Variants in IGSF3 observed in about 807,000 individuals in gnomAD.
IGSF3 encodes the protein immunoglobulin superfamily member 3.
In IGSF3, 23 loss-of-function variants were observed where a neutral mutation model predicts 114.4. The ratio of observed to expected loss-of-function variants is 0.20; its 90% CI spans 0.14 to 0.28. IGSF3 has a LOEUF of 0.28. IGSF3 is among the 10% of genes least tolerant of loss of function. IGSF3 has a pLI of 1.00. For missense variants in IGSF3, 1,172 were observed against 1,591.5 expected (o/e 0.74, Z 4.48); for synonymous variants, 571 against 645.2 (o/e 0.88, Z 1.74).
In IGSF3 at chr1:116,579,250, C is replaced by T; in HGVS notation, c.3334+142G>A. The T allele has an allele frequency of 9.0e-7, 1 of 1,105,026 alleles. No individual in the cohort carries two copies. The highest frequency in any genetic ancestry group is 1.7e-5 in the South Asian group (1 of 57,668). The allele number at this position is 1,105,026 out of a possible 1,614,324, so 68.5% of individuals were successfully genotyped here. ...AATTATATGAACTAATATGTCCAAT[C>T]CCACCATATCTCAAATCCTACTAAT... On this transcript the variant is annotated intron_variant, in intron 10 of 10. Transcript: ENST00000369486. This position sits in a 1 kb window ranked among gnomAD's most constrained non-coding sequence, Gnocchi z 6.4.
rs1225975857 is a variant in IGSF3, at chr1:116,628,606, A to C, written c.44-12149T>G. On this transcript the variant is annotated intron_variant, in intron 2 of 10. Coordinates refer to ENST00000369486, the MANE Select transcript of IGSF3 (RefSeq NM_001007237.3). This position sits in a 1 kb window ranked among gnomAD's most constrained non-coding sequence, Gnocchi z 4.2. Reference sequence around the variant, plus strand: ...GTGTGGGTGGCAGGCACCCTGAAATATGTCTAGCATACTCATAAAGCATGA... The same window carrying C: ...GTGTGGGTGGCAGGCACCCTGAAATCTGTCTAGCATACTCATAAAGCATGA... Among the ~76,000 whole-genome samples, 1 of 152,140 alleles carries C rather than the reference A, an allele frequency of 6.6e-6. No homozygotes were observed. The highest frequency in any genetic ancestry group is 2.4e-5 in the African/African-American group (1 of 41,412).
rs1017996438 is a variant in IGSF3, at chr1:116,584,906, C to T, written c.2587G>A (p.Glu863Lys). The part of the protein sequence containing the change: ...EWFVWKPNHP[E>K]RETVARLSRD... The stretch of plus-strand genomic sequence containing the variant: ...CTCAAGCGGGCCACAGTCTCCCGCT[C>T]AGGGTGGTTGGGCTTCCATACAAAC... Residue 863 changes from glutamate (E) to lysine (K), a missense_variant, in exon 9 of 11, where the codon GAG becomes AAG. This residue lies in a region of IGSF3 where 423 missense variants were observed against 509.8 expected (regional missense o/e 0.83). Transcript: ENST00000369486. The surrounding 1 kb of genome is among the most constrained non-coding windows in gnomAD (Gnocchi z 5.8). The T allele has an allele frequency of 1.9e-6, 3 of 1,614,152 alleles. No individual in the cohort carries two copies. Among genetic ancestry groups the T allele is most frequent in the Non-Finnish European group, 2.5e-6 (3 of 1,179,992 alleles).
At chr1:116,604,961 T>C (rs900301195) in intron 5 of IGSF3, among the ~76,000 whole-genome samples, 3 of 152,214 alleles carry the variant, frequency 2.0e-5, no homozygotes, top group Non-Finnish European at 4.4e-5. Context: ...ACCTAACACA[T>C]AGTAGGTTTT....
chr1:116,663,732 C>T (rs1360398206), intron 2 of IGSF3, among the ~76,000 whole-genome samples: 1 of 152,098 alleles, frequency 6.6e-6, no homozygotes, highest in Non-Finnish European at 1.5e-5. Flanking sequence ...GAGATGAAAG[C>T]GTCTCCGAGA....
rs573560256 is a variant in IGSF3 at position 116,634,331 on chromosome 1, G to T, written c.44-17874C>A. 2.6e-5 allele frequency among the ~76,000 whole-genome samples: 4 copies of T among 152,294 alleles called. No homozygotes were observed. The South Asian group carries it at 6.2e-4, about 24-fold the overall frequency. ...GAAAAAAGGGTAGGCTCCAGCTAGC[G>T]GAGAGAACAACTAAAAAACAAGAGC... is the stretch of plus-strand genomic sequence containing the variant. On this transcript the variant is annotated intron_variant, in intron 2 of 10. Coordinates refer to ENST00000369486, the MANE Select transcript of IGSF3 (RefSeq NM_001007237.3). The surrounding 1 kb of genome is among the most constrained non-coding windows in gnomAD (Gnocchi z 4.2).
rs1419690495 is a variant in IGSF3, at chr1:116,616,611, A to G, written c.44-154T>C. On this transcript the variant is annotated intron_variant, in intron 2 of 10. Coordinates refer to ENST00000369486, the MANE Select transcript of IGSF3 (RefSeq NM_001007237.3). The surrounding 1 kb of genome is among the most constrained non-coding windows in gnomAD (Gnocchi z 6.6). ...TTCAAAGGCGCTTTGTGATTTATAA[A>G]TATTAATTAAAACACTCTGTGGTAA... 7.9e-5 allele frequency among the ~76,000 whole-genome samples: 12 copies of G among 152,238 alleles called. No homozygotes were observed. Among genetic ancestry groups the G allele is most frequent in the Admixed American group, 7.8e-4 (12 of 15,288 alleles).
rs2101321267 is a variant in IGSF3 at position 116,583,335 on chromosome 1, A to AGG, written c.2848+1308_2848+1309dup. ...AAAGACATGCAGCCATTTCTAGGCA[A>AGG]GGTAAAAAGCAAAAAATATAAATAA... On this transcript the variant is annotated intron_variant, in intron 9 of 10. Coordinates refer to ENST00000369486, the MANE Select transcript of IGSF3 (RefSeq NM_001007237.3). This position sits in a 1 kb window ranked among gnomAD's most constrained non-coding sequence, Gnocchi z 4.5. Among the ~76,000 whole-genome samples, 1 of 152,348 alleles carries AGG rather than the reference A, an allele frequency of 6.6e-6. No individual in the cohort carries two copies. Among genetic ancestry groups the AGG allele is most frequent in the East Asian group, 1.9e-4 (1 of 5,194 alleles).
At chr1:116,581,108 C>T (rs1171904368) in intron 9 of IGSF3, among the ~76,000 whole-genome samples, 2 of 152,136 alleles carry the variant, frequency 1.3e-5, no homozygotes, top group Admixed American at 1.3e-4. Context: ...ACACAGAGAA[C>T]CCAAGGAGAT....
intron 8 of IGSF3, among the ~76,000 whole-genome samples, chr1:116,587,777 A>C (rs12065662): frequency 0.026 from 3,929 of 152,218 alleles, 166 homozygotes; most frequent in African/African-American, 0.09. Context: ...CATTTCAGAC[A>C]ATGAGGGCAG....
intron 2 of IGSF3, among the ~76,000 whole-genome samples, chr1:116,641,261 G>T (rs1216068050): frequency 6.6e-6 from 1 of 152,100 alleles, no homozygotes; most frequent in Non-Finnish European, 1.5e-5. Context: ...ACTTTGGAAG[G>T]CCATGGCAGA....
At position 116,648,426 on chromosome 1, in the gene IGSF3, C is replaced by G. The variant is rs1648493210; in HGVS notation, c.43+17858G>C. 6.6e-6 allele frequency among the ~76,000 whole-genome samples: 1 copy of G among 152,164 alleles called. No homozygotes were observed. Among genetic ancestry groups the G allele is most frequent in the Non-Finnish European group, 1.5e-5 (1 of 68,034 alleles). ...TAAGAGGTGCCTCTCAAATGCCTTT[C>G]CCACGTGTCTAACTCTGCTTTGTTT... On this transcript the variant is annotated intron_variant, in intron 2 of 10. Coordinates refer to ENST00000369486, the MANE Select transcript of IGSF3 (RefSeq NM_001007237.3). This position sits in a 1 kb window ranked among gnomAD's most constrained non-coding sequence, Gnocchi z 4.7.
At chr1:116,620,818 G>A (rs1661392132) in intron 2 of IGSF3, among the ~76,000 whole-genome samples, 1 of 152,178 alleles carries the variant, frequency 6.6e-6, no homozygotes. Context: ...ATAGCTCACT[G>A]CAGCCTTGAC....
intron 2 of IGSF3, among the ~76,000 whole-genome samples, chr1:116,637,629 C>A (rs1398229495): frequency 2.6e-5 from 4 of 152,190 alleles, no homozygotes; most frequent in African/African-American, 9.7e-5. Context: ...ACATGGCAGA[C>A]ACCTGCCAAC....
In IGSF3 at chr1:116,596,611, G is replaced by A. The variant is rs1211759420; in HGVS notation, c.2029+3330C>T. 6.6e-6 allele frequency among the ~76,000 whole-genome samples: 1 copy of A among 152,194 alleles called. No individual in the cohort carries two copies. The highest frequency in any genetic ancestry group is 2.4e-5 in the African/African-American group (1 of 41,440). ...TTGCTAAAGGGGATTAGGAAATCAG[G>A]GGTGGTTAACCAGAGAGAGGAAACA... On this transcript the variant is annotated intron_variant, in intron 7 of 10. Coordinates refer to ENST00000369486, the MANE Select transcript of IGSF3 (RefSeq NM_001007237.3). This position sits in a 1 kb window ranked among gnomAD's most constrained non-coding sequence, Gnocchi z 4.1.
At chr1:116,666,243 A>T in intron 2 of IGSF3, 41 bp downstream of exon 2, 1 of 1,588,104 alleles carries the variant, frequency 6.3e-7, no homozygotes, top group Non-Finnish European at 8.6e-7. Flanking sequence ...AGAGCAGGTT[A>T]AACTTTCACA....
rs1169550051 is a variant in IGSF3 at position 116,596,168 on chromosome 1, CAA to C, written c.2029+3771_2029+3772del. Reference sequence around the variant, plus strand: ...AGGGACGAGTCTGGGGCACAGACCACAAAGAAGCTTGCTGCGATAAATGATAT... The same window carrying C: ...AGGGACGAGTCTGGGGCACAGACCACAGAAGCTTGCTGCGATAAATGATAT... On this transcript the variant is annotated intron_variant, in intron 7 of 10. Coordinates refer to ENST00000369486, the MANE Select transcript of IGSF3 (RefSeq NM_001007237.3). The surrounding 1 kb of genome is among the most constrained non-coding windows in gnomAD (Gnocchi z 4.1). 1.3e-5 allele frequency among the ~76,000 whole-genome samples: 2 copies of C among 152,152 alleles called. No individual in the cohort carries two copies. The highest frequency in any genetic ancestry group is 1.5e-5 in the Non-Finnish European group (1 of 68,030).
chr1:116,663,784 A>T (rs1030045217), intron 2 of IGSF3, among the ~76,000 whole-genome samples: 5 of 152,108 alleles, frequency 3.3e-5, no homozygotes, highest in Non-Finnish European at 7.4e-5. Flanking sequence ...GGGTTTTCTA[A>T]CTAAAATTGC....
In IGSF3 at chr1:116,614,337, C is replaced by A. The variant is rs1182797701; in HGVS notation, c.422-162G>T. 6.6e-6 allele frequency among the ~76,000 whole-genome samples: 1 copy of A among 152,226 alleles called. No homozygotes were observed. The highest frequency in any genetic ancestry group is 2.4e-5 in the African/African-American group (1 of 41,462). On this transcript the variant is annotated intron_variant, in intron 3 of 10. Transcript: ENST00000369486. The surrounding 1 kb of genome is among the most constrained non-coding windows in gnomAD (Gnocchi z 4.5). Reference sequence around the variant, plus strand: ...ACAGACAGCCCCAAATGCACATAAACAGAAAGTTTTCTGTTTGGATTTGGA... The same window carrying A: ...ACAGACAGCCCCAAATGCACATAAAAAGAAAGTTTTCTGTTTGGATTTGGA...
At chr1:116,580,826 A>C (rs1659574266) in intron 9 of IGSF3, among the ~76,000 whole-genome samples, 1 of 152,254 alleles carries the variant, frequency 6.6e-6, no homozygotes. Flanking sequence ...ATGGAGGCCC[A>C]AACAGGAGTG....
Sources: allele counts gnomAD v4.1 joint callset (sites outside exome capture counted in the v4.1 genomes callset), GRCh38; gene constraint gnomAD v4.1.1; regional missense constraint gnomAD v4.1.1; non-coding constraint Gnocchi (gnomAD v3.1); transcripts MANE v1.5; gene names NCBI Gene and HGNC (gene_info 2026-07-23, HGNC 2026-07-21).